FXR1: variants seen among roughly 807,000 people sequenced by gnomAD.
FXR1 encodes the protein FMR1 autosomal homolog 1, also known as RNA-binding protein FXR1.
FXR1 carries 15 observed loss-of-function variants against 84.0 expected under a neutral mutation model. That is an observed-to-expected ratio of 0.18 (90% CI 0.12 to 0.27). The LOEUF (loss-of-function observed/expected upper bound fraction) is 0.27, where lower values mean the gene tolerates loss of function less well. Among genes scored for constraint, FXR1 ranks in the 10% least tolerant of loss-of-function variants. The pLI, the probability that FXR1 is intolerant of heterozygous loss-of-function variation, is 1.00. For missense variants in FXR1, 480 were observed against 774.4 expected (o/e 0.62, Z 4.51); for synonymous variants, 245 against 250.7 (o/e 0.98, Z 0.21).
intron 14 of FXR1, among the ~76,000 whole-genome samples, chr3:180,969,649 C>T (rs938159637): frequency 1.9e-4 from 29 of 152,128 alleles, no homozygotes; most frequent in Admixed American, 1.6e-3. Context: ...TTACGGATTT[C>T]TATTATGTCA....
At chr3:180,946,970 G>A (rs1721761991) in intron 3 of FXR1, among the ~76,000 whole-genome samples, 1 of 152,168 alleles carries the variant, frequency 6.6e-6, no homozygotes, top group South Asian at 2.1e-4. Flanking sequence ...CTAATCCCAA[G>A]TGAAAGCTTC....
intron 13 of FXR1, among the ~76,000 whole-genome samples, chr3:180,965,567 GA>G (rs1181573399): frequency 6.6e-6 from 1 of 152,102 alleles, no homozygotes; most frequent in East Asian, 1.9e-4. Context: ...TTTCTTTCTG[GA>G]AAGTCTAGCG....
intron 1 of FXR1, chr3:180,915,393 CT>C: frequency 1.4e-6 from 1 of 706,740 alleles, no homozygotes; most frequent in Non-Finnish European, 2.3e-6. Flanking sequence ...CATAGTTTTT[CT>C]TATTCAGAAC....
chr3:180,930,680 G>T (rs1191131098), intron 1 of FXR1, among the ~76,000 whole-genome samples: 1 of 152,060 alleles, frequency 6.6e-6, no homozygotes, highest in Non-Finnish European at 1.5e-5. Context: ...AAATGGCAAG[G>T]GTATAATACA....
At chr3:180,974,701 A>G (rs1469301657) in intron 15 of FXR1, among the ~76,000 whole-genome samples, 4 of 152,094 alleles carry the variant, frequency 2.6e-5, no homozygotes, top group African/African-American at 9.7e-5. Flanking sequence ...ATCAATGTCC[A>G]CATTTTTAGG....
intron 10 of FXR1, among the ~76,000 whole-genome samples, 160 bp from the exon 11 acceptor site, chr3:180,961,308 G>A (rs1305828025): frequency 8.2e-6 from 1 of 122,660 alleles, no homozygotes; most frequent in Non-Finnish European, 1.6e-5. Flanking sequence ...ACACTGCACT[G>A]TAGCCTGGGC....
chr3:180,945,884 GT>G (rs958011631), intron 3 of FXR1, among the ~76,000 whole-genome samples: 3 of 88,186 alleles, frequency 3.4e-5, no homozygotes, highest in African/African-American at 1.5e-4. Context: ...TGAGAACAAT[GT>G]TTGAGAAATA....
chr3:180,933,352 C>T lies in FXR1; in HGVS notation c.70C>T (p.His24Tyr). Residue 24 changes from histidine to tyrosine, a missense_variant, in exon 2 of 17, where the codon CAT (histidine) becomes TAT (tyrosine). By Grantham distance (83) the His-to-Tyr change is moderately conservative. Transcript: ENST00000357559. The stretch of plus-strand genomic sequence containing the variant: ...CTTGCAGGGATTTATCAAAGATGTT[C>T]ATGAAGACTCCCTTACAGTTGTTTT... ...AFYKGFIKDV[H>Y]EDSLTVVFEN... 6.4e-7 allele frequency: 1 copy of T among 1,574,458 alleles called. No homozygotes were observed. Among genetic ancestry groups the T allele is most frequent in the Non-Finnish European group, 8.7e-7 (1 of 1,144,418 alleles).
chr3:180,957,754 T>A (rs1042323195), intron 9 of FXR1, 65 bp from the exon 10 acceptor site: 39 of 717,932 alleles, frequency 5.4e-5, no homozygotes, highest in Non-Finnish European at 8.5e-5. Context: ...TAATTGGGGC[T>A]GACACTGAAA....
chr3:180,930,523 T>C (rs183885345), intron 1 of FXR1, among the ~76,000 whole-genome samples: 1 of 152,274 alleles, frequency 6.6e-6, no homozygotes, highest in Non-Finnish European at 1.5e-5. Flanking sequence ...GAAAGATTAA[T>C]TTGTGAGACT....
rs374397333 is a variant in FXR1 at position 180,917,279 on chromosome 3, T to TA, written c.51+4544dup. 4.9e-3 allele frequency among the ~76,000 whole-genome samples: 752 copies of TA among 152,302 alleles called. 10 individuals carry two copies. The highest frequency in any genetic ancestry group is 0.017 in the African/African-American group (722 of 41,552). On this transcript the variant is annotated intron_variant, in intron 1 of 16. Coordinates refer to ENST00000357559, the MANE Select transcript of FXR1 (RefSeq NM_005087.4). ...GAGCGTAATCTAAATTATGCATAGATATATTAATAATGATGACCAATAGAA... is the reference window on the plus strand; with the variant it reads ...GAGCGTAATCTAAATTATGCATAGATAATATTAATAATGATGACCAATAGAA...
At chr3:180,929,383 T>C (rs1056551378) in intron 1 of FXR1, among the ~76,000 whole-genome samples, 15 of 152,210 alleles carry the variant, frequency 9.9e-5, no homozygotes, top group African/African-American at 3.4e-4. Flanking sequence ...TCTTAAATTA[T>C]AGTTAAGAGT....
In FXR1 at chr3:180,912,753, C is replaced by T. The variant is rs1468246069; in HGVS notation, c.51+17C>T. On this transcript the variant is annotated intron_variant, in intron 1 of 16. Coordinates refer to ENST00000357559, the MANE Select transcript of FXR1 (RefSeq NM_005087.4). ...TTCTACAAGGTACTGACCGTTTTGC[C>T]ACTTTGTCGAGTGTTCTGGGTGCTG... 3.1e-6 allele frequency: 5 copies of T among 1,613,908 alleles called. No individual in the cohort carries two copies. The African/African-American group carries it at 4.0e-5, about 13-fold the overall frequency.
At chr3:180,917,571 A>G (rs907184383) in intron 1 of FXR1, among the ~76,000 whole-genome samples, 2 of 152,238 alleles carry the variant, frequency 1.3e-5, no homozygotes, top group Non-Finnish European at 1.5e-5. Flanking sequence ...TTTTATTTTC[A>G]TTCACAGATA....
chr3:180,969,500 A>G (rs1029757763), intron 14 of FXR1, among the ~76,000 whole-genome samples: 5 of 152,172 alleles, frequency 3.3e-5, no homozygotes, highest in African/African-American at 1.2e-4. Context: ...TTCCACCTTC[A>G]CATCACCTTC....
intron 7 of FXR1, among the ~76,000 whole-genome samples, chr3:180,950,495 A>G (rs1722121459): frequency 6.6e-6 from 1 of 151,940 alleles, no homozygotes; most frequent in African/African-American, 2.4e-5. Context: ...TTTTCTTTAT[A>G]CTGTGGTAAA....
intron 3 of FXR1, among the ~76,000 whole-genome samples, chr3:180,936,014 C>T (rs898766776): frequency 6.6e-6 from 1 of 151,998 alleles, no homozygotes; most frequent in African/African-American, 2.4e-5. Flanking sequence ...GCCTCAGCCT[C>T]CTGAATAGCT....
At chr3:180,966,724 G>A (rs1712882230) in intron 13 of FXR1, among the ~76,000 whole-genome samples, 1 of 152,162 alleles carries the variant, frequency 6.6e-6, no homozygotes, top group African/African-American at 2.4e-5. Flanking sequence ...TGTGATAGAT[G>A]TGGGGCGATT....
Position 180,976,198 on chromosome 3 carries a change from T to A in FXR1, c.1772T>A (p.Ile591Asn), listed in dbSNP as rs754901294. Residue 591 changes from isoleucine (I) to asparagine (N), a missense_variant, in exon 17 of 17, where the codon ATT (isoleucine) becomes AAT (asparagine). Transcript: ENST00000357559. ...NGPTSASGDD[I>N]SKLQRTPGEE... ...CCAACTAGTGCTTCTGGCGATGACATTTCTAAGCTACAGCGTACTCCAGGA... is the reference window on the plus strand; with the variant it reads ...CCAACTAGTGCTTCTGGCGATGACAATTCTAAGCTACAGCGTACTCCAGGA... The A allele has an allele frequency of 4.3e-6, 7 of 1,612,860 alleles. No homozygotes were observed. In the South Asian group the frequency reaches 7.7e-5, roughly 18 times the overall value.
Sources: gnomAD v4.1 joint callset for allele counts (sites outside exome capture counted in the v4.1 genomes callset) on GRCh38, gnomAD v4.1.1 for gene constraint, MANE v1.5 for transcripts, NCBI Gene and HGNC (gene_info 2026-07-23, HGNC 2026-07-21) for gene names.